The following DISC1 variants were observed in gnomAD, a reference collection of about 807,000 sequenced individuals.
DISC1 encodes the protein DISC1 scaffold protein.
Under a neutral mutation model 84.5 loss-of-function variants are expected in DISC1, and 57 were observed. The observed-to-expected ratio is 0.67, with a 90% CI of 0.55 to 0.84. The LOEUF is 0.84. Ranked by LOEUF, DISC1 falls within the 40% of genes least tolerant of loss-of-function variation. The probability of loss-of-function intolerance (pLI) is 0.00; values close to 1 mark genes in which losing one functional copy is unlikely to be tolerated. For missense variants in DISC1, 1,000 were observed against 1,057.8 expected (o/e 0.95, Z 0.76); for synonymous variants, 411 against 415.2 (o/e 0.99, Z 0.12).
At chr1:231,667,282 T>C (rs537047864) in intron 1 of DISC1, among the ~76,000 whole-genome samples, 1 of 152,372 alleles carries the variant, frequency 6.6e-6, no homozygotes, top group Non-Finnish European at 1.5e-5. Context: ...ATTTGCACAC[T>C]TGAGCTTTAC....
At position 231,917,411 on chromosome 1, in the gene DISC1, G is replaced by A. The variant is rs6541291; in HGVS notation, c.1982-41417G>A. ...CCTTATGCCTTGAATAATATGAAGC[G>A]AAGCGATCACTCTTATATTTGGGGA... On this transcript the variant is annotated intron_variant, in intron 9 of 12. Coordinates refer to ENST00000439617, the MANE Select transcript of DISC1 (RefSeq NM_018662.3). Among the ~76,000 whole-genome samples the A allele has an allele frequency of 2.8e-3, 424 of 152,312 alleles. 1 individual carries two copies. Among genetic ancestry groups the A allele is most frequent in the African/African-American group, 9.6e-3 (398 of 41,578 alleles).
At chr1:231,860,793 C>T (rs2084587065) in intron 9 of DISC1, among the ~76,000 whole-genome samples, 1 of 152,126 alleles carries the variant, frequency 6.6e-6, no homozygotes, top group African/African-American at 2.4e-5. Context: ...GAATGAGACA[C>T]ATTTCCCTAC....
chr1:231,819,173 A>G (rs1373702620), intron 9 of DISC1: 4 of 969,770 alleles, frequency 4.1e-6, no homozygotes, highest in Non-Finnish European at 4.9e-6. Context: ...TTCTTAAAAA[A>G]TGGTTCCTAA....
At chr1:231,757,203 T>C (rs1216034138) in intron 4 of DISC1, among the ~76,000 whole-genome samples, 1 of 152,222 alleles carries the variant, frequency 6.6e-6, no homozygotes, top group Non-Finnish European at 1.5e-5. Context: ...TTTGAGAAGC[T>C]GATGAAAGCT....
intron 3 of DISC1, among the ~76,000 whole-genome samples, chr1:231,748,743 T>TACA (rs773753127): frequency 4.6e-5 from 7 of 152,228 alleles, no homozygotes; most frequent in Non-Finnish European, 8.8e-5. Flanking sequence ...ATGTTAACCT[T>TACA]GTAGAATGAG....
At position 232,038,803 on chromosome 1, in the gene DISC1, T is replaced by G. The variant is rs1192872837; in HGVS notation, c.*1972T>G. On this transcript the variant is annotated 3_prime_UTR_variant, in exon 13 of 13. Coordinates refer to ENST00000439617, the MANE Select transcript of DISC1 (RefSeq NM_018662.3). ...TTCTCATTTATGTGTTTAGGGATAG[T>G]GAGGTTCCTGCCTTCACTAGGATCC... 4 of 152,196 alleles carry G rather than the reference T, an allele frequency of 2.6e-5. No individual in the cohort carries two copies. The highest frequency in any genetic ancestry group is 9.6e-5 in the African/African-American group (4 of 41,456). 9.4% of individuals were successfully genotyped at this position (152,196 alleles called of 1,614,324 possible).
chr1:232,022,482 A>G (rs1194091213), intron 11 of DISC1, among the ~76,000 whole-genome samples: 3 of 151,904 alleles, frequency 2.0e-5, no homozygotes, highest in Non-Finnish European at 4.4e-5. Context: ...TAATTTTTGT[A>G]TTATTAGCAG....
At chr1:231,671,771 G>A (rs777356488) in intron 1 of DISC1, among the ~76,000 whole-genome samples, 3 of 152,202 alleles carry the variant, frequency 2.0e-5, no homozygotes, top group Admixed American at 1.3e-4. Flanking sequence ...CCAGTTGCTA[G>A]CCATGTGAGG....
At chr1:232,005,404 T>C (rs182192796) in intron 10 of DISC1, among the ~76,000 whole-genome samples, 1 of 152,324 alleles carries the variant, frequency 6.6e-6, no homozygotes, top group East Asian at 1.9e-4. Context: ...TCACCACTTC[T>C]GTCATCCATA....
At chr1:231,970,814 A>C (rs1661839010) in intron 10 of DISC1, among the ~76,000 whole-genome samples, 1 of 152,232 alleles carries the variant, frequency 6.6e-6, no homozygotes, top group Non-Finnish European at 1.5e-5. Flanking sequence ...ATCAATTGAG[A>C]AATCAACCAA....
intron 9 of DISC1, among the ~76,000 whole-genome samples, chr1:231,843,215 G>A (rs2083202848): frequency 1.3e-5 from 2 of 152,164 alleles, no homozygotes. Flanking sequence ...GCCCATTTGA[G>A]GCAGAAGAAA....
Position 231,681,386 on chromosome 1 carries a change from G to A in DISC1, c.68-12440G>A, listed in dbSNP as rs141674258. 2.0e-5 allele frequency among the ~76,000 whole-genome samples: 3 copies of A among 151,352 alleles called. No homozygotes were observed. In the East Asian group the frequency reaches 5.8e-4, roughly 29 times the overall value. On this transcript the variant is annotated intron_variant, in intron 1 of 12. Transcript: ENST00000439617. ...TAGAGTGTCTATGTGATCCGTGTTG[G>A]GCTCTCACTCGTGTGTGTTTGTGTG...
At chr1:231,851,612 A>G (rs914604326) in intron 9 of DISC1, among the ~76,000 whole-genome samples, 3 of 152,178 alleles carry the variant, frequency 2.0e-5, no homozygotes, top group Non-Finnish European at 2.9e-5. Context: ...CCCATTTTAC[A>G]GGTGCCAAAG....
At chr1:231,940,420 A>T (rs890567156) in intron 9 of DISC1, among the ~76,000 whole-genome samples, 3 of 152,202 alleles carry the variant, frequency 2.0e-5, no homozygotes, top group African/African-American at 7.2e-5. Flanking sequence ...GTTGATTTGC[A>T]GGCGCAATTA....
chr1:231,819,236 C>T (rs879354927), intron 9 of DISC1: 9 of 749,170 alleles, frequency 1.2e-5, no homozygotes, highest in South Asian at 1.2e-4. Flanking sequence ...GAATAAATGG[C>T]TATATTTTAC....
chr1:231,793,725 T>C (rs2078528792), intron 6 of DISC1, among the ~76,000 whole-genome samples: 1 of 152,204 alleles, frequency 6.6e-6, no homozygotes, highest in Non-Finnish European at 1.5e-5. Flanking sequence ...GAAAACGGAA[T>C]GATTTCTCAT....
At chr1:231,831,851 G>C (rs1275023483) in intron 9 of DISC1, among the ~76,000 whole-genome samples, 1 of 15,004 alleles carries the variant, frequency 6.7e-5, no homozygotes. Flanking sequence ...AGAGGTAGTG[G>C]GGGGGGGTGG....
In DISC1 at chr1:231,845,222, A is replaced by G. The variant is rs142436598; in HGVS notation, c.1981+26705A>G. Among the ~76,000 whole-genome samples the G allele has an allele frequency of 1.5e-3, 233 of 152,286 alleles. 3 individuals carry two copies. Among genetic ancestry groups the G allele is most frequent in the African/African-American group, 5.3e-3 (222 of 41,554 alleles). ...CTGGCCTGGCAGGAAGTCCATTTACATGGTTGAGGAACTTAGAATTTTGTT... is the reference window on the plus strand; with the variant it reads ...CTGGCCTGGCAGGAAGTCCATTTACGTGGTTGAGGAACTTAGAATTTTGTT... On this transcript the variant is annotated intron_variant, in intron 9 of 12. Coordinates refer to ENST00000439617, the MANE Select transcript of DISC1 (RefSeq NM_018662.3).
intron 1 of DISC1, among the ~76,000 whole-genome samples, chr1:231,679,504 C>G (rs1295699644): frequency 6.6e-6 from 1 of 152,158 alleles, no homozygotes; most frequent in East Asian, 1.9e-4. Context: ...TTAAGAGGCA[C>G]TTAATAAAAA....
Sources: gnomAD v4.1 joint callset for allele counts (sites outside exome capture counted in the v4.1 genomes callset) on GRCh38, gnomAD v4.1.1 for gene constraint, MANE v1.5 for transcripts, NCBI Gene and HGNC (gene_info 2026-07-23, HGNC 2026-07-21) for gene names.